The following ZNF521 variants were observed in gnomAD, a reference collection of about 807,000 sequenced individuals.
ZNF521 encodes zinc finger protein 521, also known as LYST-interacting protein 3.
ZNF521 carries 14 observed loss-of-function variants against 105.5 expected under a neutral mutation model. The ratio of observed to expected loss-of-function variants is 0.13; its 90% CI spans 0.09 to 0.21. The LOEUF is 0.21. ZNF521 is among the 10% of genes least tolerant of loss of function. The pLI, the probability that ZNF521 is intolerant of heterozygous loss-of-function variation, is 1.00. For missense variants in ZNF521, 1,233 were observed against 1,629.7 expected (o/e 0.76, Z 4.19); for synonymous variants, 635 against 606.0 (o/e 1.05, Z -0.70).
chr18:25,214,831 G>A (rs543328995), intron 4 of ZNF521, among the ~76,000 whole-genome samples: 2 of 152,246 alleles, frequency 1.3e-5, no homozygotes, highest in East Asian at 1.9e-4. Context: ...GAGAAAGGAT[G>A]CAGGAGATGC....
intron 2 of ZNF521, among the ~76,000 whole-genome samples, chr18:25,338,658 C>T (rs191803493): frequency 4.6e-5 from 7 of 152,232 alleles, no homozygotes; most frequent in African/African-American, 1.7e-4. Context: ...GCGATCCCCC[C>T]GCCTCAGTCT....
intron 4 of ZNF521, among the ~76,000 whole-genome samples, chr18:25,212,318 T>C (rs766009623): frequency 4.5e-4 from 68 of 151,050 alleles, no homozygotes; most frequent in Non-Finnish European, 9.1e-4. Flanking sequence ...GAGACCAGCC[T>C]GGCCAACATA....
intron 4 of ZNF521, among the ~76,000 whole-genome samples, chr18:25,221,432 G>T (rs1254832487): frequency 6.6e-6 from 1 of 152,080 alleles, no homozygotes; most frequent in African/African-American, 2.4e-5. Flanking sequence ...TTGAAAGATG[G>T]ACACAAATGT....
At chr18:25,264,039 T>C (rs943525404) in intron 3 of ZNF521, among the ~76,000 whole-genome samples, 1 of 152,230 alleles carries the variant, frequency 6.6e-6, no homozygotes, top group Non-Finnish European at 1.5e-5. Flanking sequence ...CAAAGTATTT[T>C]ACTTGTTCCA....
At chr18:25,296,425 C>T (rs537928496) in intron 3 of ZNF521, among the ~76,000 whole-genome samples, 34 of 152,298 alleles carry the variant, frequency 2.2e-4, no homozygotes, top group African/African-American at 7.9e-4. Context: ...TGTGCCTAGA[C>T]TTGCTATGGA....
Position 25,310,534 on chromosome 18 carries a change from GAAAAC to G in ZNF521, c.220+11469_220+11473del, listed in dbSNP as rs1251628191. The stretch of plus-strand genomic sequence containing the variant: ...AAGGCATATATATTATACATGCAAA[GAAAAC>G]AAAAGAGAATAGGTATATATTCTTT... On this transcript the variant is annotated intron_variant, in intron 3 of 7. Transcript: ENST00000361524. Among the ~76,000 whole-genome samples the G allele has an allele frequency of 1.6e-4, 24 of 151,768 alleles. No homozygotes were observed. The East Asian group carries it at 4.3e-3, about 27-fold the overall frequency.
intron 3 of ZNF521, among the ~76,000 whole-genome samples, chr18:25,313,949 A>G (rs2145119260): frequency 6.6e-6 from 1 of 152,312 alleles, no homozygotes; most frequent in African/African-American, 2.4e-5. Flanking sequence ...GGAACTGATC[A>G]AAATGGAAGG....
chr18:25,322,328 G>A, intron 2 of ZNF521, 141 bp from the exon 3 acceptor site: 2 of 858,324 alleles, frequency 2.3e-6, no homozygotes. Flanking sequence ...TTTTATTACA[G>A]GAGAATCAAA....
intron 2 of ZNF521, among the ~76,000 whole-genome samples, chr18:25,332,499 G>A (rs186718769): frequency 1.3e-5 from 2 of 151,906 alleles, no homozygotes; most frequent in Non-Finnish European, 2.9e-5. Flanking sequence ...AATGTCGAAG[G>A]TTCCTTCATC....
intron 5 of ZNF521, among the ~76,000 whole-genome samples, chr18:25,134,553 C>A (rs1471891784): frequency 6.6e-6 from 1 of 152,096 alleles, no homozygotes; most frequent in Admixed American, 6.6e-5. Context: ...TCTGATGTAG[C>A]CCAGCAAGAC....
chr18:25,225,962 G>A lies in ZNF521; in HGVS notation c.1956C>T (p.His652=). The A allele has an allele frequency of 6.2e-7, 1 of 1,614,116 alleles. No individual in the cohort carries two copies. Among genetic ancestry groups the A allele is most frequent in the East Asian group, 2.2e-5 (1 of 44,876 alleles). Residue 652 remains histidine, a synonymous_variant, in exon 4 of 8, where the codon CAC becomes CAT. Coordinates refer to ENST00000361524, the MANE Select transcript of ZNF521 (RefSeq NM_015461.3). This position sits in a 1 kb window ranked among gnomAD's most constrained non-coding sequence, Gnocchi z 5.6. ...KYTSLDSFQT[H]LKTHLDTVLP... is the part of the protein sequence containing the mutation. ...GCACAGTGTCGAGATGAGTTTTTAGGTGAGTCTGAAAGCTGTCTAGGGATG... is the reference window on the plus strand; with the variant it reads ...GCACAGTGTCGAGATGAGTTTTTAGATGAGTCTGAAAGCTGTCTAGGGATG...
chr18:25,117,891 C>T (rs1186932424), intron 5 of ZNF521, among the ~76,000 whole-genome samples: 1 of 151,922 alleles, frequency 6.6e-6, no homozygotes, highest in African/African-American at 2.4e-5. Context: ...TCATGAATCT[C>T]GCAAACTCCA....
At chr18:25,258,457 T>A (rs546005374) in intron 3 of ZNF521, among the ~76,000 whole-genome samples, 1 of 152,218 alleles carries the variant, frequency 6.6e-6, no homozygotes, top group African/African-American at 2.4e-5. Context: ...CCGAGGTGTA[T>A]GTGAAGAGGG....
chr18:25,324,716 ACT>A (rs2145155001), intron 2 of ZNF521, among the ~76,000 whole-genome samples: 1 of 152,240 alleles, frequency 6.6e-6, no homozygotes, highest in African/African-American at 2.4e-5. Context: ...AAATAAGGAG[ACT>A]CTGTGAATAC....
At chr18:25,302,027 G>A (rs1911671635) in intron 3 of ZNF521, 1 of 152,142 alleles carries the variant, frequency 6.6e-6, no homozygotes, top group Non-Finnish European at 1.5e-5. Context: ...AAATCACTAA[G>A]TGACAATGAG....
At chr18:25,303,383 C>T (rs1260343309) in intron 3 of ZNF521, among the ~76,000 whole-genome samples, 4 of 151,822 alleles carry the variant, frequency 2.6e-5, no homozygotes, top group African/African-American at 7.3e-5. Context: ...CTGCAACCTC[C>T]GCCTTCTGGG....
intron 5 of ZNF521, among the ~76,000 whole-genome samples, chr18:25,183,567 C>A (rs1271206841): frequency 6.6e-6 from 1 of 152,074 alleles, no homozygotes; most frequent in Non-Finnish European, 1.5e-5. Context: ...ATCATTTTTA[C>A]TTATGTGCTG....
At chr18:25,321,775 A>C (rs1478694065) in intron 3 of ZNF521, among the ~76,000 whole-genome samples, 1 of 152,186 alleles carries the variant, frequency 6.6e-6, no homozygotes, top group East Asian at 1.9e-4. Context: ...AAAAAGGAAA[A>C]TACACTCATT....
intron 4 of ZNF521, among the ~76,000 whole-genome samples, chr18:25,220,750 A>C (rs1159938732): frequency 6.6e-6 from 1 of 152,198 alleles, no homozygotes; most frequent in Non-Finnish European, 1.5e-5. Context: ...TTGCTCAGGG[A>C]AACTTGACTA....
Sources: gnomAD v4.1 joint callset for allele counts (sites outside exome capture counted in the v4.1 genomes callset) on GRCh38, gnomAD v4.1.1 for gene constraint, Gnocchi (gnomAD v3.1) non-coding constraint, MANE v1.5 for transcripts, NCBI Gene and HGNC (gene_info 2026-07-23, HGNC 2026-07-21) for gene names.